The following FAM13A variants were observed in gnomAD, a reference collection of about 807,000 sequenced individuals.
FAM13A encodes protein FAM13A.
In FAM13A, 76 loss-of-function variants were observed where a neutral mutation model predicts 129.6. The observed-to-expected ratio is 0.59, with a 90% CI of 0.49 to 0.71. FAM13A has a LOEUF of 0.71. Among genes scored for constraint, FAM13A ranks in the 30% least tolerant of loss-of-function variants. The probability of loss-of-function intolerance (pLI) is 0.00; values close to 1 mark genes in which losing one functional copy is unlikely to be tolerated. For missense variants in FAM13A, 1,108 were observed against 1,249.3 expected, an observed-to-expected ratio of 0.89 and a Z score of 1.70; for synonymous variants, 443 against 449.9, an observed-to-expected ratio of 0.98 and a Z score of 0.20.
At chr4:88,736,935 C>T (rs986321256) in intron 21 of FAM13A, among the ~76,000 whole-genome samples, 6 of 152,024 alleles carry the variant, frequency 3.9e-5, no homozygotes, top group African/African-American at 1.2e-4. Context: ...GGAAAAAAGC[C>T]GGAAATACTG....
chr4:88,767,800 T>C (rs543492360), intron 12 of FAM13A, among the ~76,000 whole-genome samples, 183 bp downstream of exon 12: 3 of 152,316 alleles, frequency 2.0e-5, no homozygotes, highest in African/African-American at 4.8e-5. Flanking sequence ...CTATAGTTAT[T>C]TGCCTTCAAT....
chr4:88,850,984 C>T, intron 7 of FAM13A, 36 bp downstream of exon 7: 10 of 1,602,604 alleles, frequency 6.2e-6, no homozygotes, highest in Non-Finnish European at 8.5e-6. Flanking sequence ...GCGAATAATG[C>T]AATATGGATT....
At chr4:88,833,303 T>A (rs145330796) in intron 7 of FAM13A, among the ~76,000 whole-genome samples, 22 of 152,218 alleles carry the variant, frequency 1.4e-4, no homozygotes, top group African/African-American at 4.6e-4. Flanking sequence ...TGACAGGTGC[T>A]GCAAACCACC....
At chr4:89,012,599 T>C (rs1025903186) in intron 3 of FAM13A, among the ~76,000 whole-genome samples, 1 of 152,216 alleles carries the variant, frequency 6.6e-6, no homozygotes, top group Non-Finnish European at 1.5e-5. Context: ...TAATTTGTTA[T>C]AGAAATGAAT....
At chr4:88,850,926 T>A in intron 7 of FAM13A, 94 bp downstream of exon 7, 1 of 1,106,366 alleles carries the variant, frequency 9.0e-7, no homozygotes, top group South Asian at 1.4e-5. Context: ...TAAACTCCAG[T>A]GGCAGATCAA....
At chr4:88,731,730 T>C (rs1737844531) in intron 22 of FAM13A, 1 of 522,388 alleles carries the variant, frequency 1.9e-6, no homozygotes, top group East Asian at 3.1e-5. Flanking sequence ...TCAGCGTGTG[T>C]TAAGTGATGG....
At chr4:88,801,276 C>T (rs4693969) in intron 8 of FAM13A, among the ~76,000 whole-genome samples, 4 of 152,060 alleles carry the variant, frequency 2.6e-5, no homozygotes, top group South Asian at 2.1e-4. Flanking sequence ...CTGAGAAAAT[C>T]GATAGTTCCC....
Position 89,017,897 on chromosome 4 carries a change from C to T in FAM13A, c.427+2563G>A, listed in dbSNP as rs566614623. 6.6e-5 allele frequency among the ~76,000 whole-genome samples: 10 copies of T among 152,178 alleles called. No homozygotes were observed. In the South Asian group the frequency reaches 1.0e-3, roughly 16 times the overall value. On this transcript the variant is annotated intron_variant, in intron 3 of 23. Transcript: ENST00000264344. ...ACTGACATACAAAGCTTAAAAGCACCGTTGACAACCAGAACAAACTGTTCT... is the reference window on the plus strand; with the variant it reads ...ACTGACATACAAAGCTTAAAAGCACTGTTGACAACCAGAACAAACTGTTCT...
chr4:89,052,243 G>A (rs943046439), intron 1 of FAM13A, among the ~76,000 whole-genome samples: 1 of 142,600 alleles, frequency 7.0e-6, no homozygotes, highest in Non-Finnish European at 1.5e-5. Context: ...GGAGGTTCTG[G>A]GCAGCGCTTT....
chr4:88,774,092 T>C (rs1201808986), intron 11 of FAM13A, among the ~76,000 whole-genome samples: 2 of 152,222 alleles, frequency 1.3e-5, no homozygotes, highest in African/African-American at 4.8e-5. Flanking sequence ...AGGCTCAGCA[T>C]GCTGCTCCCT....
chr4:88,831,828 T>C (rs1733926198), intron 7 of FAM13A, among the ~76,000 whole-genome samples: 1 of 152,142 alleles, frequency 6.6e-6, no homozygotes, highest in African/African-American at 2.4e-5. Flanking sequence ...CCCAAAATAA[T>C]TTATAGATTC....
chr4:88,773,712 C>G (rs1035856068), intron 11 of FAM13A, among the ~76,000 whole-genome samples: 8 of 152,136 alleles, frequency 5.3e-5, no homozygotes, highest in Non-Finnish European at 1.2e-4. Context: ...CAACTGTGCA[C>G]CAAAGACTTC....
chr4:88,938,295 G>A (rs1043168995), intron 4 of FAM13A, 54 bp from the exon 5 acceptor site: 2 of 1,382,248 alleles, frequency 1.4e-6, no homozygotes, highest in South Asian at 1.4e-5. Context: ...AACAGTGCCT[G>A]CTAGCTGACT....
chr4:88,746,911 A>C, intron 19 of FAM13A, 21 bp downstream of exon 19: 1 of 1,552,430 alleles, frequency 6.4e-7, no homozygotes, highest in Non-Finnish European at 8.9e-7. Flanking sequence ...CCCCAATCAG[A>C]AAATTTACTA....
At position 89,002,309 on chromosome 4, in the gene FAM13A, G is replaced by A. The variant is rs541148261; in HGVS notation, c.428-11159C>T. On this transcript the variant is annotated intron_variant, in intron 3 of 23. Coordinates refer to ENST00000264344, the MANE Select transcript of FAM13A (RefSeq NM_014883.4). ...CAGGCTCGGCAAGTCCTTCAACACC[G>A]CCTGCATCCAGGCAGGCATGTGCTC... 7.9e-5 allele frequency among the ~76,000 whole-genome samples: 12 copies of A among 152,196 alleles called. No individual in the cohort carries two copies. The South Asian group carries it at 1.0e-3, about 13-fold the overall frequency.
chr4:88,812,974 T>C (rs1253468314), intron 7 of FAM13A, among the ~76,000 whole-genome samples: 2 of 152,212 alleles, frequency 1.3e-5, no homozygotes, highest in Non-Finnish European at 2.9e-5. Context: ...TTCCCATCTA[T>C]TCAAAACTTA....
rs1277026512 is a variant in FAM13A, at chr4:88,845,724, G to A, written c.1007+5296C>T. 3.3e-5 allele frequency among the ~76,000 whole-genome samples: 5 copies of A among 152,164 alleles called. No individual in the cohort carries two copies. The East Asian group carries it at 9.6e-4, about 29-fold the overall frequency. ...GGAGAAAGGAGTGAATTAGAATCAT[G>A]AAGCAAGAGAATCAAAGGGAACTTT... On this transcript the variant is annotated intron_variant, in intron 7 of 23. Transcript: ENST00000264344.
intron 8 of FAM13A, among the ~76,000 whole-genome samples, chr4:88,804,162 A>G (rs1728089834): frequency 6.6e-6 from 1 of 152,214 alleles, no homozygotes; most frequent in Admixed American, 6.5e-5. Flanking sequence ...GCTGAGGCAG[A>G]GAATTGCTTA....
chr4:88,999,136 G>A (rs949173599), intron 3 of FAM13A, among the ~76,000 whole-genome samples: 1 of 152,070 alleles, frequency 6.6e-6, no homozygotes, highest in Non-Finnish European at 1.5e-5. Context: ...CAAGAGCAAA[G>A]GCCTGCAGGA....
Sources: allele counts gnomAD v4.1 joint callset (sites outside exome capture counted in the v4.1 genomes callset), GRCh38; gene constraint gnomAD v4.1.1; transcripts MANE v1.5; gene names NCBI Gene and HGNC (gene_info 2026-07-23, HGNC 2026-07-21).